Variants in DLGAP4 observed in about 807,000 individuals in gnomAD.
The protein encoded by DLGAP4 is DLG associated protein 4.
DLGAP4 carries 18 observed loss-of-function variants against 86.9 expected under a neutral mutation model. The observed-to-expected ratio is 0.21, with a 90% CI of 0.14 to 0.31. DLGAP4 has a LOEUF of 0.31. DLGAP4 is among the 10% of genes least tolerant of loss of function. The pLI, the probability that DLGAP4 is intolerant of heterozygous loss-of-function variation, is 1.00. For synonymous variants in DLGAP4, 548 were observed against 574.3 expected, an observed-to-expected ratio of 0.95 and a Z score of 0.65; for missense variants, 1,085 against 1,362.6, an observed-to-expected ratio of 0.80 and a Z score of 3.21.
chr20:36,519,104 G>C (rs900559096), intron 10 of DLGAP4, among the ~76,000 whole-genome samples: 1 of 149,934 alleles, frequency 6.7e-6, no homozygotes, highest in African/African-American at 2.5e-5. Context: ...GCAACAGTGC[G>C]AGACTCCATC....
At chr20:36,461,655 G>GCCGCCCCCGCC in intron 7 of DLGAP4, 2 of 352,246 alleles carry the variant, frequency 5.7e-6, no homozygotes, top group African/African-American at 1.5e-4. Context: ...GGAGACGGGG[G>GCCGCCCCCGCC]CCGCCCCGCC....
intron 10 of DLGAP4, among the ~76,000 whole-genome samples, chr20:36,519,352 C>T (rs1414638034): frequency 6.6e-6 from 1 of 152,058 alleles, no homozygotes; most frequent in Non-Finnish European, 1.5e-5. Context: ...ATTTTATGGC[C>T]AAGAATGTGG....
At chr20:36,472,111 C>G (rs1600595060) in intron 7 of DLGAP4, among the ~76,000 whole-genome samples, 1 of 152,214 alleles carries the variant, frequency 6.6e-6, no homozygotes, top group African/African-American at 2.4e-5. Flanking sequence ...CCCAGCAGAT[C>G]ATCTTTGCAG....
At chr20:36,464,230 C>A (rs1224338277) in intron 7 of DLGAP4, among the ~76,000 whole-genome samples, 3 of 152,188 alleles carry the variant, frequency 2.0e-5, no homozygotes, top group African/African-American at 7.2e-5. Context: ...ATGGGAATAA[C>A]ATTCCTTATC....
chr20:36,395,521 T>A (rs1261269425), intron 2 of DLGAP4, among the ~76,000 whole-genome samples: 1 of 152,020 alleles, frequency 6.6e-6, no homozygotes, highest in Non-Finnish European at 1.5e-5. Context: ...ATTATTGAGA[T>A]GGAGTCTTGC....
intron 11 of DLGAP4, 46 bp downstream of exon 11, chr20:36,524,387 G>C (rs1344715448): frequency 2.6e-6 from 4 of 1,542,220 alleles, no homozygotes; most frequent in Non-Finnish European, 3.6e-6. Flanking sequence ...CCAGCCTTTG[G>C]CTGCCCACTA....
intron 6 of DLGAP4, among the ~76,000 whole-genome samples, chr20:36,443,260 C>T (rs531701362): frequency 6.6e-6 from 1 of 152,268 alleles, no homozygotes; most frequent in East Asian, 1.9e-4. Flanking sequence ...CAACTTCACA[C>T]AGGTTGGTGA....
intron 10 of DLGAP4, among the ~76,000 whole-genome samples, chr20:36,507,073 G>C (rs1402636697): frequency 6.6e-6 from 1 of 152,174 alleles, no homozygotes; most frequent in Non-Finnish European, 1.5e-5. Flanking sequence ...CCAATGGATA[G>C]GTGGATTGCA....
chr20:36,449,104 C>T (rs543537309), intron 7 of DLGAP4, among the ~76,000 whole-genome samples: 1 of 152,178 alleles, frequency 6.6e-6, no homozygotes, highest in Non-Finnish European at 1.5e-5. Context: ...CGTCTGGCAT[C>T]GGGACTCTCT....
chr20:36,500,902 G>C lies in DLGAP4; in HGVS notation c.2512+291G>C, dbSNP rs944976733. Among the ~76,000 whole-genome samples the C allele has an allele frequency of 6.6e-6, 1 of 152,004 alleles. No homozygotes were observed. Among genetic ancestry groups the C allele is most frequent in the Non-Finnish European group, 1.5e-5 (1 of 68,000 alleles). On this transcript the variant is annotated intron_variant, in intron 10 of 12. Transcript: ENST00000339266. The surrounding 1 kb of genome is among the most constrained non-coding windows in gnomAD (Gnocchi z 4.6). Reference sequence around the variant, plus strand: ...CTCCCTTACTAGTGAAGTAACCTTGGTCAGGTTACTCCGAGCCCCCATTTC... The same window carrying C: ...CTCCCTTACTAGTGAAGTAACCTTGCTCAGGTTACTCCGAGCCCCCATTTC...
intron 2 of DLGAP4, among the ~76,000 whole-genome samples, chr20:36,397,716 T>C (rs930605377): frequency 6.6e-6 from 1 of 152,242 alleles, no homozygotes; most frequent in Admixed American, 6.5e-5. Flanking sequence ...AGCCCACGAG[T>C]TATTTAGAAA....
rs955716713 is a variant in DLGAP4, at chr20:36,459,668, C to T, written c.1648+12731C>T. 4.6e-5 allele frequency among the ~76,000 whole-genome samples: 7 copies of T among 152,294 alleles called. No homozygotes were observed. In the East Asian group the frequency reaches 5.8e-4, roughly 13 times the overall value. On this transcript the variant is annotated intron_variant, in intron 7 of 12. Transcript: ENST00000339266. The stretch of plus-strand genomic sequence containing the variant: ...TGTTGCCCAGGCTGGAGTGCAATGG[C>T]GCAATCTTGGCTCACCGCAACCTCC...
chr20:36,344,590 A>G (rs1308695960), intron 1 of DLGAP4, among the ~76,000 whole-genome samples: 3 of 151,994 alleles, frequency 2.0e-5, no homozygotes, highest in Non-Finnish European at 2.9e-5. Context: ...CCAGCCGACC[A>G]TGGCTCCCTA....
chr20:36,345,362 G>A (rs1259448280), intron 1 of DLGAP4, among the ~76,000 whole-genome samples: 11 of 152,192 alleles, frequency 7.2e-5, no homozygotes, highest in African/African-American at 2.2e-4. Context: ...ACAAACCAAG[G>A]TCAGGGCCAT....
At chr20:36,320,000 T>C (rs1329426594) in intron 1 of DLGAP4, among the ~76,000 whole-genome samples, 207 of 70,466 alleles carry the variant, frequency 2.9e-3, no homozygotes, top group African/African-American at 9.0e-3. Flanking sequence ...TCTGTGTCCC[T>C]CTCCTCCAGG....
intron 2 of DLGAP4, among the ~76,000 whole-genome samples, chr20:36,382,406 G>A (rs1449145241): frequency 6.6e-6 from 1 of 151,832 alleles, no homozygotes. Flanking sequence ...TGGAGGGGCA[G>A]GGTAGAGACT....
chr20:36,462,861 G>T (rs533901235), intron 7 of DLGAP4, among the ~76,000 whole-genome samples: 36 of 152,376 alleles, frequency 2.4e-4, no homozygotes, highest in African/African-American at 7.9e-4. Context: ...ACTTGGCCCC[G>T]CATGGCCTGG....
At chr20:36,410,452 AT>A (rs1350516602) in intron 2 of DLGAP4, among the ~76,000 whole-genome samples, 1 of 151,884 alleles carries the variant, frequency 6.6e-6, no homozygotes, top group African/African-American at 2.4e-5. Context: ...TGATAATCCA[AT>A]TTTGCATCAC....
At chr20:36,317,364 TTTCA>T (rs1404994883) in intron 1 of DLGAP4, among the ~76,000 whole-genome samples, 1 of 149,868 alleles carries the variant, frequency 6.7e-6, no homozygotes, top group African/African-American at 2.5e-5. Context: ...TCTTTCTTTC[TTTCA>T]TTCTTTCTTT....
Sources: gnomAD v4.1 joint callset for allele counts (sites outside exome capture counted in the v4.1 genomes callset) on GRCh38, gnomAD v4.1.1 for gene constraint, Gnocchi (gnomAD v3.1) non-coding constraint, MANE v1.5 for transcripts, NCBI Gene and HGNC (gene_info 2026-07-23, HGNC 2026-07-21) for gene names.